AHR: variants seen among roughly 807,000 people sequenced by gnomAD.
AHR encodes aryl hydrocarbon receptor.
Under a neutral mutation model 86.8 loss-of-function variants are expected in AHR, and 40 were observed. The ratio of observed to expected loss-of-function variants is 0.46; its 90% CI spans 0.36 to 0.60. The LOEUF is 0.60. Ranked by LOEUF, AHR falls within the 20% of genes least tolerant of loss-of-function variation. The pLI, the probability that AHR is intolerant of heterozygous loss-of-function variation, is 0.00. For synonymous variants in AHR, 398 were observed against 354.9 expected (o/e 1.12, Z -1.37); for missense variants, 1,001 against 1,011.6 (o/e 0.99, Z 0.14).
At chr7:17,336,009 A>G in intron 9 of AHR, 1 of 409,792 alleles carries the variant, frequency 2.4e-6, no homozygotes, top group Non-Finnish European at 4.2e-6. Flanking sequence ...ATAAAACTCT[A>G]GGGTTTTATC....
chr7:17,325,958 A>G (rs1272908173), intron 3 of AHR, among the ~76,000 whole-genome samples: 1 of 152,206 alleles, frequency 6.6e-6, no homozygotes, highest in Admixed American at 6.5e-5. Flanking sequence ...GTAAAAAAAT[A>G]GAACAAAACA....
In AHR at chr7:17,339,317, G is replaced by C. The variant is rs1308520504; in HGVS notation, c.1492G>C (p.Asp498His). 1.9e-6 allele frequency: 3 copies of C among 1,614,182 alleles called. No homozygotes were observed. Among genetic ancestry groups the C allele is most frequent in the Non-Finnish European group, 2.5e-6 (3 of 1,180,038 alleles). Residue 498 changes from aspartate (D) to histidine (H), a missense_variant, in exon 10 of 11, where the codon GAT becomes CAT. Around this residue, in one of 2 missense-constraint regions of AHR, gnomAD observed 607 missense variants for 543.1 expected, o/e 1.12. Coordinates refer to ENST00000242057, the MANE Select transcript of AHR (RefSeq NM_001621.5). Reference sequence around the variant, plus strand: ...TATGAATGAATGCAGAAATTGGCAAGATAATACTGCACCGATGGGAAATGA... The same window carrying C: ...TATGAATGAATGCAGAAATTGGCAACATAATACTGCACCGATGGGAAATGA... ...ESMNECRNWQ[D>H]NTAPMGNDTI...
chr7:17,338,403 T>A (rs202177658), intron 9 of AHR, among the ~76,000 whole-genome samples: 1 of 152,180 alleles, frequency 6.6e-6, no homozygotes, highest in Non-Finnish European at 1.5e-5. Flanking sequence ...TCACCTATGC[T>A]GGAATGCAGT....
At chr7:17,329,489 T>C (rs574586562) in intron 4 of AHR, among the ~76,000 whole-genome samples, 1 of 152,006 alleles carries the variant, frequency 6.6e-6, no homozygotes, top group South Asian at 2.1e-4. Flanking sequence ...CTTGCTCTTG[T>C]GGAGTCTACT....
At chr7:17,329,383 G>A (rs1782262486) in intron 4 of AHR, among the ~76,000 whole-genome samples, 1 of 151,822 alleles carries the variant, frequency 6.6e-6, no homozygotes, top group Non-Finnish European at 1.5e-5. Context: ...TAAAAAAAAA[G>A]GAAAACTCTG....
chr7:17,331,147 A>C (rs545536875), intron 6 of AHR, among the ~76,000 whole-genome samples: 81 of 151,986 alleles, frequency 5.3e-4, no homozygotes, highest in African/African-American at 1.9e-3. Flanking sequence ...TTAGTTGGCC[A>C]CCTGTGACTG....
At chr7:17,321,785 A>G (rs1584035530) in intron 2 of AHR, among the ~76,000 whole-genome samples, 1 of 152,048 alleles carries the variant, frequency 6.6e-6, no homozygotes, top group Admixed American at 6.6e-5. Flanking sequence ...ATATAAAGAT[A>G]CCTGTGCACA....
At chr7:17,340,356 A>G (rs1782407520) in intron 10 of AHR, 128 bp downstream of exon 10, 4 of 1,258,136 alleles carry the variant, frequency 3.2e-6, no homozygotes, top group African/African-American at 1.5e-5. Flanking sequence ...AGCATTTTTT[A>G]TTATATCTGT....
chr7:17,340,654 AT>A (rs912997476), intron 10 of AHR, among the ~76,000 whole-genome samples: 16 of 152,120 alleles, frequency 1.1e-4, no homozygotes, highest in Admixed American at 9.8e-4. Flanking sequence ...TCAAAGCTCT[AT>A]TTTTTTATAT....
chr7:17,299,130 C>T lies in AHR; in HGVS notation c.-135C>T, dbSNP rs530417467. 67 of 965,564 alleles carry T rather than the reference C, an allele frequency of 6.9e-5. 1 individual carries two copies. Among genetic ancestry groups the T allele is most frequent in the Non-Finnish European group, 9.2e-5 (63 of 685,250 alleles). The allele number at this position is 965,564 out of a possible 1,614,324, so 59.8% of individuals were successfully genotyped here. A position where few individuals can be genotyped will look rare whatever the true frequency, so the allele number is the denominator to read the frequency against. On this transcript the variant is annotated 5_prime_UTR_variant, in exon 1 of 11. Transcript: ENST00000242057. ...AGGCGCGGCGCCCACGCCACTGTCC[C>T]GAGAGGACGCAGGTGGAGCGGGCGC...
Position 17,331,117 on chromosome 7 carries a change from C to T in AHR, c.705+231C>T, listed in dbSNP as rs573361237. On this transcript the variant is annotated intron_variant, in intron 6 of 10. Coordinates refer to ENST00000242057, the MANE Select transcript of AHR (RefSeq NM_001621.5). ...TGATTGATTACAGCTTGGGATTTGC[C>T]TTATTTGAAGATGATCTGATTAGTT... Among the ~76,000 whole-genome samples the T allele has an allele frequency of 1.3e-4, 19 of 151,920 alleles. No individual in the cohort carries two copies. In the South Asian group the frequency reaches 3.9e-3, roughly 31 times the overall value.
intron 1 of AHR, among the ~76,000 whole-genome samples, chr7:17,303,577 C>G (rs1040556762): frequency 6.6e-6 from 1 of 152,100 alleles, no homozygotes; most frequent in Non-Finnish European, 1.5e-5. Context: ...CTCCCTTCCT[C>G]TTTAAAACAT....
At chr7:17,330,726 G>A (rs932098354) in intron 5 of AHR, 30 bp from the exon 6 acceptor site, 1 of 1,523,888 alleles carries the variant, frequency 6.6e-7, no homozygotes, top group Non-Finnish European at 8.8e-7. Context: ...AAAATGGAAA[G>A]TAAATTTTGT....
intron 9 of AHR, 159 bp downstream of exon 9, chr7:17,335,945 A>G: frequency 5.7e-6 from 4 of 697,444 alleles, no homozygotes; most frequent in East Asian, 2.9e-5. Flanking sequence ...CATTGAGAAG[A>G]TAGAATTGAC....
chr7:17,330,465 A>C (rs1487046529), intron 5 of AHR, among the ~76,000 whole-genome samples: 1 of 151,958 alleles, frequency 6.6e-6, no homozygotes, highest in African/African-American at 2.4e-5. Context: ...TCAATGCAAA[A>C]AATGTTTTTG....
chr7:17,314,334 T>C (rs1178289672), intron 2 of AHR, among the ~76,000 whole-genome samples: 4 of 152,112 alleles, frequency 2.6e-5, no homozygotes, highest in Admixed American at 2.6e-4. Flanking sequence ...TGTAGAATTA[T>C]TTACATGTTA....
Position 17,340,111 on chromosome 7 carries a change from G to T in AHR, c.2286G>T (p.Gln762His), listed in dbSNP as rs1359769895. ...LNPQSAIITPQTCYAGAVSMY... is the reference protein window; with the variant it reads ...LNPQSAIITPHTCYAGAVSMY... ...CACAGTCAGCCATAATAACTCCTCA[G>T]ACATGTTATGCTGGGGCCGTGTCGA... The change falls in exon 10 of 11, where the codon CAG (glutamine) becomes CAT (histidine). Residue 762 changes from glutamine to histidine, a missense_variant. This residue lies in a region of AHR where 607 missense variants were observed against 543.1 expected (regional missense o/e 1.12). Coordinates refer to ENST00000242057, the MANE Select transcript of AHR (RefSeq NM_001621.5). The T allele has an allele frequency of 1.2e-6, 2 of 1,614,052 alleles. No individual in the cohort carries two copies. The highest frequency in any genetic ancestry group is 1.7e-6 in the Non-Finnish European group (2 of 1,180,040).
At position 17,344,484 on chromosome 7, in the gene AHR, A is replaced by C. The variant is rs1432388530; in HGVS notation, c.*1420A>C. ...ACTGCTTAAAGTTGGTATTAATAAA[A>C]AGACAACCACATAGTTCGTTTACCT... On this transcript the variant is annotated 3_prime_UTR_variant, in exon 11 of 11. Coordinates refer to ENST00000242057, the MANE Select transcript of AHR (RefSeq NM_001621.5). 1 of 152,822 alleles carries C rather than the reference A, an allele frequency of 6.5e-6. No individual in the cohort carries two copies. Among genetic ancestry groups the C allele is most frequent in the Non-Finnish European group, 1.5e-5 (1 of 68,010 alleles). 9.5% of individuals were successfully genotyped at this position (152,822 alleles called of 1,614,324 possible). A position where few individuals can be genotyped will look rare whatever the true frequency, so the allele number is the denominator to read the frequency against.
intron 3 of AHR, among the ~76,000 whole-genome samples, chr7:17,326,146 T>C (rs773640869): frequency 2.0e-5 from 3 of 152,182 alleles, no homozygotes; most frequent in Admixed American, 6.5e-5. Context: ...TTTCTTCTAT[T>C]GTAAAACTGG....
Sources: gnomAD v4.1 joint callset for allele counts (sites outside exome capture counted in the v4.1 genomes callset) on GRCh38, gnomAD v4.1.1 for gene constraint, gnomAD v4.1.1 regional missense constraint, MANE v1.5 for transcripts, NCBI Gene and HGNC (gene_info 2026-07-23, HGNC 2026-07-21) for gene names.